NSD1: variants seen among roughly 807,000 people sequenced by gnomAD.
NSD1 encodes nuclear receptor binding SET domain protein 1, also known as histone-lysine N-methyltransferase, H3 lysine-36 specific.
NSD1 carries 26 observed loss-of-function variants against 242.7 expected under a neutral mutation model. That is an observed-to-expected ratio of 0.11 (90% CI 0.08 to 0.15). The LOEUF (loss-of-function observed/expected upper bound fraction) is 0.15, where lower values mean the gene tolerates loss of function less well. Among genes scored for constraint, NSD1 ranks in the 10% least tolerant of loss-of-function variants. NSD1 has a pLI of 1.00. For missense variants in NSD1, 2,495 were observed against 3,272.8 expected (o/e 0.76, Z 5.80); for synonymous variants, 1,106 against 1,178.1 (o/e 0.94, Z 1.25).
chr5:177,280,475 A>T lies in NSD1; in HGVS notation c.5623-90A>T. ...CAAAATCATGGGAAATGTGGCTGCA[A>T]CTTCAAGGAAAAAAAGTTTGCCTTT... On this transcript the variant is annotated intron_variant, in intron 17 of 22. Transcript: ENST00000439151. The T allele has an allele frequency of 3.4e-6, 5 of 1,465,362 alleles. No homozygotes were observed. In the South Asian group the frequency reaches 5.7e-5, roughly 17 times the overall value. 90.8% of individuals were successfully genotyped at this position (1,465,362 alleles called of 1,614,324 possible).
intron 3 of NSD1, among the ~76,000 whole-genome samples, chr5:177,192,440 A>G (rs1761769575): frequency 6.6e-6 from 1 of 151,748 alleles, no homozygotes; most frequent in Admixed American, 6.6e-5. Context: ...CTTGTTGCCC[A>G]GGCTGGAGTG....
At chr5:177,137,391 T>A (rs1180193619) in intron 2 of NSD1, 1 of 152,566 alleles carries the variant, frequency 6.6e-6, no homozygotes, top group Admixed American at 6.5e-5. Flanking sequence ...TCATTAAACA[T>A]TCGCTTTACC....
At chr5:177,184,769 C>G (rs557339832) in intron 2 of NSD1, among the ~76,000 whole-genome samples, 1 of 152,180 alleles carries the variant, frequency 6.6e-6, no homozygotes, top group African/African-American at 2.4e-5. Flanking sequence ...ATCCTGGCCT[C>G]GAGCGATCAC....
chr5:177,164,829 G>C (rs534018231), intron 2 of NSD1, among the ~76,000 whole-genome samples: 1 of 151,824 alleles, frequency 6.6e-6, no homozygotes, highest in South Asian at 2.1e-4. Context: ...TGTAATCCCA[G>C]CTACTCAGGA....
chr5:177,257,282 G>C, intron 13 of NSD1, 131 bp downstream of exon 13: 2 of 769,660 alleles, frequency 2.6e-6, no homozygotes, highest in Non-Finnish European at 4.2e-6. Flanking sequence ...CGAGGCTGGA[G>C]TGCAGTGGCG....
chr5:177,280,526 G>A, intron 17 of NSD1, 39 bp from the exon 18 acceptor site: 1 of 1,614,004 alleles, frequency 6.2e-7, no homozygotes. Flanking sequence ...GTCTTCTGCT[G>A]ACTTGTTTTA....
intron 2 of NSD1, among the ~76,000 whole-genome samples, chr5:177,164,588 G>A (rs1374286983): frequency 1.3e-5 from 2 of 152,068 alleles, no homozygotes; most frequent in Non-Finnish European, 1.5e-5. Context: ...TATTATACTG[G>A]AAATGAATGC....
chr5:177,191,910 A>G lies in NSD1; in HGVS notation c.954A>G (p.Pro318=). 1 of 1,614,168 alleles carries G rather than the reference A, an allele frequency of 6.2e-7. No individual in the cohort carries two copies. Among genetic ancestry groups the G allele is most frequent in the East Asian group, 2.2e-5 (1 of 44,880 alleles). ...GTCAACCTAAGAAAAAGTCTACGCCACTGAAGTATGAAGTTGGAGATCTCA... is the reference window on the plus strand; with the variant it reads ...GTCAACCTAAGAAAAAGTCTACGCCGCTGAAGTATGAAGTTGGAGATCTCA... ...PFCQPKKKST[P]LKYEVGDLIW... The change falls in exon 3 of 23, where the codon CCA becomes CCG. Residue 318 remains proline (P), a synonymous_variant. Transcript: ENST00000439151.
At chr5:177,213,252 T>C (rs1200848193) in intron 5 of NSD1, among the ~76,000 whole-genome samples, 5 of 152,222 alleles carry the variant, frequency 3.3e-5, no homozygotes, top group Non-Finnish European at 5.9e-5. Flanking sequence ...TCCATTAACA[T>C]AAGATTCTCA....
At chr5:177,155,503 A>G (rs1259207976) in intron 2 of NSD1, among the ~76,000 whole-genome samples, 2 of 146,306 alleles carry the variant, frequency 1.4e-5, no homozygotes, top group Non-Finnish European at 3.0e-5. Context: ...ACCTCAGGTG[A>G]TCTGCCTGCC....
chr5:177,153,675 G>A (rs989592988), intron 2 of NSD1, among the ~76,000 whole-genome samples: 5 of 151,862 alleles, frequency 3.3e-5, no homozygotes, highest in South Asian at 2.1e-4. Flanking sequence ...CTGTGTTTTC[G>A]AGTGATTTAT....
chr5:177,156,897 G>T (rs1270489082), intron 2 of NSD1, among the ~76,000 whole-genome samples: 1 of 151,988 alleles, frequency 6.6e-6, no homozygotes, highest in East Asian at 1.9e-4. Context: ...CTTGTGCCCA[G>T]GAGGCAGAGG....
At chr5:177,216,473 T>C (rs569573393) in intron 5 of NSD1, among the ~76,000 whole-genome samples, 2 of 152,142 alleles carry the variant, frequency 1.3e-5, no homozygotes, top group Non-Finnish European at 2.9e-5. Flanking sequence ...GGAGGTCTTA[T>C]GTTTAGGTCT....
intron 18 of NSD1, among the ~76,000 whole-genome samples, chr5:177,281,687 C>A (rs1468651941): frequency 6.6e-6 from 1 of 152,188 alleles, no homozygotes; most frequent in Non-Finnish European, 1.5e-5. Context: ...GGGTCTCACT[C>A]TGTCGCCCAA....
intron 3 of NSD1, among the ~76,000 whole-genome samples, chr5:177,200,529 C>G (rs753879843): frequency 6.6e-6 from 1 of 152,214 alleles, no homozygotes; most frequent in Non-Finnish European, 1.5e-5. Context: ...CAGACTCTTT[C>G]ATCTCCCAAA....
At chr5:177,284,597 C>G (rs1237964350) in intron 20 of NSD1, among the ~76,000 whole-genome samples, 1 of 152,156 alleles carries the variant, frequency 6.6e-6, no homozygotes, top group South Asian at 2.1e-4. Flanking sequence ...TGGCTCATTT[C>G]TTTTAGCACA....
intron 2 of NSD1, among the ~76,000 whole-genome samples, chr5:177,160,172 T>G (rs1758625679): frequency 6.6e-6 from 1 of 152,198 alleles, no homozygotes; most frequent in South Asian, 2.1e-4. Context: ...ATTACAGGCA[T>G]GAGCTACTGT....
chr5:177,288,259 T>C (rs1392040216), intron 20 of NSD1, among the ~76,000 whole-genome samples: 2 of 152,234 alleles, frequency 1.3e-5, no homozygotes, highest in African/African-American at 4.8e-5. Flanking sequence ...TGTCATATTG[T>C]CTCAATAAGC....
chr5:177,210,210 G>C lies in NSD1; in HGVS notation c.1811G>C (p.Arg604Pro). Residue 604 changes from arginine to proline, a missense_variant, in exon 5 of 23, where the codon CGA becomes CCA. Physicochemically the swap from Arg to Pro is moderately radical, Grantham distance 103 (BLOSUM62 -2). This residue lies in a region of NSD1 where 515 missense variants were observed against 467.0 expected (regional missense o/e 1.10). Coordinates refer to ENST00000439151, the MANE Select transcript of NSD1 (RefSeq NM_022455.5). ...GGTGCTTTGATCTCAAAGTGTTCTC[G>C]AGAGAAGAATAAACCCCAACGAAGC... ...PEGALISKCS[R>P]EKNKPQRSLV... is the part of the protein sequence containing the mutation. 6.3e-7 allele frequency: 1 copy of C among 1,596,372 alleles called. No individual in the cohort carries two copies. Among genetic ancestry groups the C allele is most frequent in the Non-Finnish European group, 8.5e-7 (1 of 1,172,082 alleles).
Sources: gnomAD v4.1 joint callset for allele counts (sites outside exome capture counted in the v4.1 genomes callset) on GRCh38, gnomAD v4.1.1 for gene constraint, gnomAD v4.1.1 regional missense constraint, MANE v1.5 for transcripts, NCBI Gene and HGNC (gene_info 2026-07-23, HGNC 2026-07-21) for gene names.